KCNQ4: variants seen among roughly 807,000 people sequenced by gnomAD.
KCNQ4 encodes the protein potassium voltage-gated channel subfamily Q member 4.
KCNQ4 carries 31 observed loss-of-function variants against 72.6 expected under a neutral mutation model. That is an observed-to-expected ratio of 0.43 (90% CI 0.32 to 0.58). The LOEUF (loss-of-function observed/expected upper bound fraction) is 0.58. Among genes scored for constraint, KCNQ4 ranks in the 20% least tolerant of loss-of-function variants. The probability of loss-of-function intolerance (pLI) is 0.08; values close to 1 mark genes in which losing one functional copy is unlikely to be tolerated. For missense variants in KCNQ4, 869 were observed against 962.6 expected (o/e 0.90, Z 1.29); for synonymous variants, 405 against 403.7 (o/e 1.00, Z -0.04).
intron 12 of KCNQ4, 45 bp downstream of exon 12, chr1:40,835,143 G>A (rs750470836): frequency 3.1e-6 from 5 of 1,601,326 alleles, no homozygotes; most frequent in East Asian, 4.5e-5. Context: ...GGGAGGCAGC[G>A]ACCCCAGCCC....
chr1:40,785,844 G>T (rs1171851773), intron 1 of KCNQ4, among the ~76,000 whole-genome samples: 1 of 152,118 alleles, frequency 6.6e-6, no homozygotes, highest in Non-Finnish European at 1.5e-5. Flanking sequence ...GAGGGGCAGG[G>T]GGGGAAGACA....
At position 40,794,395 on chromosome 1, in the gene KCNQ4, G is replaced by C. The variant is rs1318805689; in HGVS notation, c.314+9988G>C. 6.6e-6 allele frequency among the ~76,000 whole-genome samples: 1 copy of C among 152,148 alleles called. No individual in the cohort carries two copies. The highest frequency in any genetic ancestry group is 1.5e-5 in the Non-Finnish European group (1 of 68,012). On this transcript the variant is annotated intron_variant, in intron 1 of 13. Transcript: ENST00000347132. This position sits in a 1 kb window ranked among gnomAD's most constrained non-coding sequence, Gnocchi z 4.2. ...AGGTCATCTATTTTTTCCAGTACCCGCTAGGTAGCAGGCACTATTATTGTT... is the reference window on the plus strand; with the variant it reads ...AGGTCATCTATTTTTTCCAGTACCCCCTAGGTAGCAGGCACTATTATTGTT...
intron 1 of KCNQ4, among the ~76,000 whole-genome samples, chr1:40,795,255 CTT>C (rs10632610): frequency 3.9e-5 from 5 of 128,464 alleles, no homozygotes; most frequent in Non-Finnish European, 6.4e-5. Flanking sequence ...GTGGTTTTAC[CTT>C]TTTTTTTTTT....
intron 9 of KCNQ4, among the ~76,000 whole-genome samples, chr1:40,825,344 G>A (rs933090926): frequency 6.6e-6 from 1 of 152,216 alleles, no homozygotes; most frequent in Non-Finnish European, 1.5e-5. Context: ...ACCCGATGCT[G>A]TGTGTCCTGG....
intron 3 of KCNQ4, 82 bp from the exon 4 acceptor site, chr1:40,818,423 C>G (rs1250435323): frequency 1.3e-6 from 2 of 1,576,266 alleles, no homozygotes; most frequent in Non-Finnish European, 1.7e-6. Flanking sequence ...CCCCAGTCCC[C>G]TGCCACATCC....
intron 8 of KCNQ4, among the ~76,000 whole-genome samples, chr1:40,823,384 G>T (rs774103809): frequency 5.3e-5 from 8 of 152,150 alleles, no homozygotes; most frequent in Non-Finnish European, 1.0e-4. Flanking sequence ...CGAGAGTGGG[G>T]CAGGGCTGAT....
chr1:40,801,830 G>A (rs983779132), intron 1 of KCNQ4, among the ~76,000 whole-genome samples: 5 of 152,180 alleles, frequency 3.3e-5, no homozygotes, highest in Non-Finnish European at 7.3e-5. Flanking sequence ...CTCGGGGCCA[G>A]GACCTGGGCT....
chr1:40,787,168 C>T (rs994481745), intron 1 of KCNQ4, among the ~76,000 whole-genome samples: 2 of 152,184 alleles, frequency 1.3e-5, no homozygotes, highest in East Asian at 3.9e-4. Flanking sequence ...GTGGGAGGAT[C>T]GCTTGAGCCT....
At chr1:40,820,831 G>A (rs969326514) in intron 7 of KCNQ4, among the ~76,000 whole-genome samples, 5 of 152,212 alleles carry the variant, frequency 3.3e-5, no homozygotes, top group Non-Finnish European at 5.9e-5. Flanking sequence ...GTGCCATGGC[G>A]TGTTGTGACT....
chr1:40,819,802 C>T (rs1298339747), intron 5 of KCNQ4, 73 bp from the exon 6 acceptor site: 1 of 1,226,294 alleles, frequency 8.2e-7, no homozygotes, highest in Admixed American at 1.7e-5. Flanking sequence ...CAGGCTCCTA[C>T]CTGCCTGTAC....
At chr1:40,807,099 AG>A (rs1647787914) in intron 1 of KCNQ4, among the ~76,000 whole-genome samples, 1 of 152,154 alleles carries the variant, frequency 6.6e-6, no homozygotes, top group South Asian at 2.1e-4. Context: ...GTCCGTCTAG[AG>A]GGGTCAAGTT....
rs1012270682 is a variant in KCNQ4, at chr1:40,799,437, C to CA, written c.314+15030_314+15031insA. ...GAGGCAAATGTGTGGGCCATGCCCC[C>CA]CCCCTCGCTAGGCAGTAAACACTGC... On this transcript the variant is annotated intron_variant, in intron 1 of 13. Transcript: ENST00000347132. 1.8e-4 allele frequency among the ~76,000 whole-genome samples: 28 copies of CA among 151,970 alleles called. 2 individuals carry two copies. In the South Asian group the frequency reaches 2.5e-3, roughly 14 times the overall value.
At chr1:40,800,706 G>C (rs187202697) in intron 1 of KCNQ4, among the ~76,000 whole-genome samples, 43 of 152,346 alleles carry the variant, frequency 2.8e-4, no homozygotes, top group Non-Finnish European at 4.1e-4. Flanking sequence ...GGCCAGCCTG[G>C]GGGTTGTGGA....
At chr1:40,809,549 T>C (rs1647863371) in intron 1 of KCNQ4, among the ~76,000 whole-genome samples, 1 of 152,162 alleles carries the variant, frequency 6.6e-6, no homozygotes, top group Non-Finnish European at 1.5e-5. Flanking sequence ...CTAGTTCCCG[T>C]TTCCAGTTAA....
intron 1 of KCNQ4, among the ~76,000 whole-genome samples, chr1:40,797,578 T>C (rs1054357507): frequency 4.6e-5 from 7 of 152,116 alleles, no homozygotes; most frequent in East Asian, 1.9e-4. Flanking sequence ...AGGAGTAACA[T>C]GGCAGATTCG....
intron 1 of KCNQ4, among the ~76,000 whole-genome samples, chr1:40,813,849 G>T (rs995973612): frequency 1.3e-5 from 2 of 152,120 alleles, no homozygotes; most frequent in African/African-American, 2.4e-5. Context: ...CTGGGTTCAT[G>T]CCATTGTCCT....
At chr1:40,830,309 C>T (rs1648599615) in intron 9 of KCNQ4, among the ~76,000 whole-genome samples, 1 of 152,136 alleles carries the variant, frequency 6.6e-6, no homozygotes, top group African/African-American at 2.4e-5. Flanking sequence ...AACCATGGGG[C>T]CGAGGCCCTC....
chr1:40,813,254 C>T lies in KCNQ4; in HGVS notation c.315-4011C>T, dbSNP rs78952735. Among the ~76,000 whole-genome samples the T allele has an allele frequency of 2.6e-4, 40 of 152,200 alleles. No homozygotes were observed. The East Asian group carries it at 7.7e-3, about 29-fold the overall frequency. Reference sequence around the variant, plus strand: ...AGTCCGACGAGAGTTTTGTGGAGAGCGATGGTTTCCAGCTGTGCATTGTGG... The same window carrying T: ...AGTCCGACGAGAGTTTTGTGGAGAGTGATGGTTTCCAGCTGTGCATTGTGG... On this transcript the variant is annotated intron_variant, in intron 1 of 13. Coordinates refer to ENST00000347132, the MANE Select transcript of KCNQ4 (RefSeq NM_004700.4).
chr1:40,817,020 C>T lies in KCNQ4; in HGVS notation c.315-245C>T, dbSNP rs1351563135. Among the ~76,000 whole-genome samples, 1 of 152,266 alleles carries T rather than the reference C, an allele frequency of 6.6e-6. No individual in the cohort carries two copies. The highest frequency in any genetic ancestry group is 6.5e-5 in the Admixed American group (1 of 15,294). ...TACTCACAGATGAGTGACTACCTCTCTGAGCTGCAGCCTGCAGCAGGGGGC... is the reference window on the plus strand; with the variant it reads ...TACTCACAGATGAGTGACTACCTCTTTGAGCTGCAGCCTGCAGCAGGGGGC... On this transcript the variant is annotated intron_variant, in intron 1 of 13. Coordinates refer to ENST00000347132, the MANE Select transcript of KCNQ4 (RefSeq NM_004700.4). The surrounding 1 kb of genome is among the most constrained non-coding windows in gnomAD (Gnocchi z 5.5).
Sources: allele counts gnomAD v4.1 joint callset (sites outside exome capture counted in the v4.1 genomes callset), GRCh38; gene constraint gnomAD v4.1.1; non-coding constraint Gnocchi (gnomAD v3.1); transcripts MANE v1.5; gene names NCBI Gene and HGNC (gene_info 2026-07-23, HGNC 2026-07-21).